PDE8B: variants seen among roughly 807,000 people sequenced by gnomAD.
The protein encoded by PDE8B is phosphodiesterase 8B.
Under a neutral mutation model 101.3 loss-of-function variants are expected in PDE8B, and 26 were observed. That is an observed-to-expected ratio of 0.26 (90% CI 0.19 to 0.36). The LOEUF (loss-of-function observed/expected upper bound fraction) is 0.36. Among genes scored for constraint, PDE8B ranks in the 10% least tolerant of loss-of-function variants. The pLI, the probability that PDE8B is intolerant of heterozygous loss-of-function variation, is 1.00. For missense variants in PDE8B, 810 were observed against 1,163.1 expected, an observed-to-expected ratio of 0.70 and a Z score of 4.42; for synonymous variants, 424 against 429.3, an observed-to-expected ratio of 0.99 and a Z score of 0.15.
intron 10 of PDE8B, among the ~76,000 whole-genome samples, chr5:77,398,265 C>T (rs1791490079): frequency 6.8e-6 from 1 of 147,150 alleles, no homozygotes; most frequent in Admixed American, 6.7e-5. Flanking sequence ...CTGTAGGGCC[C>T]TTAAAAAAAA....
chr5:77,426,369 C>A lies in PDE8B; in HGVS notation c.2549-76C>A, dbSNP rs1010842168. 7.5e-6 allele frequency: 7 copies of A among 932,350 alleles called. No homozygotes were observed. In the African/African-American group the frequency reaches 1.1e-4, roughly 15 times the overall value. The allele number at this position is 932,350 out of a possible 1,614,324, so 57.8% of individuals were successfully genotyped here. A position where few individuals can be genotyped will look rare whatever the true frequency, so the allele number is the denominator to read the frequency against. On this transcript the variant is annotated intron_variant, in intron 21 of 21. Transcript: ENST00000264917. ...TCTAATTCTGATCCCAAACTTGTCC[C>A]AGACACCCCCAGGCTTATAAATGCT...
At chr5:77,396,720 T>A (rs1791141772) in intron 10 of PDE8B, among the ~76,000 whole-genome samples, 1 of 152,076 alleles carries the variant, frequency 6.6e-6, no homozygotes, top group Non-Finnish European at 1.5e-5. Context: ...TTACTCTTCC[T>A]TTAGGCAAAA....
the PDE8B span, among the ~76,000 whole-genome samples, chr5:77,125,280 C>T: frequency 6.0e-4 from 92 of 152,258 alleles, no homozygotes; most frequent in African/African-American, 1.7e-3. Context: ...TGGATTACCA[C>T]GCCCCACTGT....
chr5:77,148,718 A>T, the PDE8B span, among the ~76,000 whole-genome samples: 1 of 152,188 alleles, frequency 6.6e-6, no homozygotes, highest in Non-Finnish European at 1.5e-5. Flanking sequence ...CCATTTAAAA[A>T]TCGAGTTGTT....
intron 1 of PDE8B, among the ~76,000 whole-genome samples, chr5:77,275,833 G>A (rs904553540): frequency 6.6e-6 from 1 of 152,092 alleles, no homozygotes. Context: ...ATATCTAACC[G>A]CATGAGGTTG....
At chr5:77,322,654 T>G (rs558999899) in intron 2 of PDE8B, among the ~76,000 whole-genome samples, 2 of 152,310 alleles carry the variant, frequency 1.3e-5, no homozygotes, top group East Asian at 3.9e-4. Context: ...AGGCATTTGC[T>G]CACACGTCAC....
At chr5:77,248,167 A>G (rs1175231494) in intron 1 of PDE8B, among the ~76,000 whole-genome samples, 2 of 152,218 alleles carry the variant, frequency 1.3e-5, no homozygotes, top group Non-Finnish European at 2.9e-5. Context: ...CAGAAATGAC[A>G]ACTGAGGGCT....
intron 18 of PDE8B, 79 bp downstream of exon 18, chr5:77,418,525 G>T (rs1796013799): frequency 2.0e-6 from 2 of 986,922 alleles, no homozygotes; most frequent in Admixed American, 4.0e-5. Flanking sequence ...CCTCTTAGGG[G>T]AAAGGGAAAA....
At chr5:77,327,545 G>A (rs1441524250) in intron 3 of PDE8B, among the ~76,000 whole-genome samples, 10 of 152,192 alleles carry the variant, frequency 6.6e-5, no homozygotes, top group African/African-American at 2.4e-4. Flanking sequence ...AAGTTGAGAA[G>A]TACTTAGTGT....
intron 20 of PDE8B, 67 bp downstream of exon 20, chr5:77,422,055 G>A: frequency 6.7e-7 from 1 of 1,498,984 alleles, no homozygotes; most frequent in East Asian, 2.3e-5. Flanking sequence ...TGGAACTCCT[G>A]GGGGATTCTC....
chr5:77,144,938 A>G, the PDE8B span: 158 of 152,220 alleles, frequency 1.0e-3, no homozygotes, highest in Admixed American at 2.4e-3. Flanking sequence ...TTACATCTTT[A>G]TTAATTATTT....
intron 12 of PDE8B, among the ~76,000 whole-genome samples, chr5:77,407,161 C>T (rs1233826105): frequency 1.3e-5 from 2 of 152,156 alleles, no homozygotes; most frequent in African/African-American, 4.8e-5. Flanking sequence ...CTCAGCAAGC[C>T]CTCCTGCCTC....
rs1776626289 is a variant in PDE8B, at chr5:77,329,115, C to G, written c.650+58C>G. Reference sequence around the variant, plus strand: ...GTACTGTTCATTCTGAAATATTTGTCAGATGTAATCTGGTTTTTGAGCTAT... The same window carrying G: ...GTACTGTTCATTCTGAAATATTTGTGAGATGTAATCTGGTTTTTGAGCTAT... On this transcript the variant is annotated intron_variant, in intron 4 of 21. Coordinates refer to ENST00000264917, the MANE Select transcript of PDE8B (RefSeq NM_003719.5). 2.1e-6 allele frequency: 3 copies of G among 1,399,278 alleles called. No individual in the cohort carries two copies. In the Admixed American group the frequency reaches 5.0e-5, roughly 23 times the overall value. The allele number at this position is 1,399,278 out of a possible 1,614,324, so 86.7% of individuals were successfully genotyped here.
At chr5:77,360,987 C>T (rs1448201316) in intron 10 of PDE8B, among the ~76,000 whole-genome samples, 1 of 152,154 alleles carries the variant, frequency 6.6e-6, no homozygotes, top group Non-Finnish European at 1.5e-5. Context: ...GTTAAACCAG[C>T]CATTATTAAA....
At chr5:77,378,806 GGA>G in intron 10 of PDE8B, among the ~76,000 whole-genome samples, 1 of 152,160 alleles carries the variant, frequency 6.6e-6, no homozygotes, top group African/African-American at 2.4e-5. Flanking sequence ...GCAACTCTGG[GGA>G]TGGGGCCTAT....
chr5:77,164,071 G>A, the PDE8B span, among the ~76,000 whole-genome samples: 3 of 152,232 alleles, frequency 2.0e-5, no homozygotes, highest in Admixed American at 6.5e-5. Context: ...CCAAGCTAAC[G>A]TGAGAGTCCT....
the PDE8B span, among the ~76,000 whole-genome samples, chr5:77,093,873 C>T: frequency 6.6e-6 from 1 of 152,100 alleles, no homozygotes; most frequent in South Asian, 2.1e-4. Flanking sequence ...CAAATGGGAC[C>T]TTTTAATCCC....
At chr5:77,208,680 T>C (rs1747705853), upstream of PDE8B, among the ~76,000 whole-genome samples, 6 of 152,178 alleles carry the variant, frequency 3.9e-5, no homozygotes, top group Admixed American at 3.9e-4. Context: ...GAGGCTATGA[T>C]GCCAGGAAAG....
chr5:77,284,135 A>AGGT (rs1261064769), intron 1 of PDE8B, among the ~76,000 whole-genome samples: 15 of 152,242 alleles, frequency 9.9e-5, no homozygotes, highest in African/African-American at 3.6e-4. Context: ...TTCTTTGGTG[A>AGGT]GGTGTCTTTT....
Sources: allele counts gnomAD v4.1 joint callset (sites outside exome capture counted in the v4.1 genomes callset), GRCh38; gene constraint gnomAD v4.1.1; transcripts MANE v1.5; gene names NCBI Gene and HGNC (gene_info 2026-07-23, HGNC 2026-07-21).